The following GMDS variants were observed in gnomAD, a reference collection of about 807,000 sequenced individuals.
The protein encoded by GMDS is GDP-mannose 4,6 dehydratase.
A neutral mutation model predicts 49.9 loss-of-function variants in GMDS; 20 were observed. The observed-to-expected ratio is 0.40, with a 90% confidence interval of 0.28 to 0.58. The LOEUF (loss-of-function observed/expected upper bound fraction) is 0.58. GMDS is among the 20% of genes least tolerant of loss of function. The pLI is 0.42. For missense variants in GMDS, 362 were observed against 481.4 expected, an observed-to-expected ratio of 0.75 and a Z score of 2.32; for synonymous variants, 177 against 178.6, an observed-to-expected ratio of 0.99 and a Z score of 0.07.
At chr6:2,043,719 TG>T (rs1474021295) in intron 4 of GMDS, among the ~76,000 whole-genome samples, 5 of 152,208 alleles carry the variant, frequency 3.3e-5, no homozygotes, top group Non-Finnish European at 5.9e-5. Context: ...AAAATAAACT[TG>T]TTTTTGAGCT....
intron 4 of GMDS, among the ~76,000 whole-genome samples, chr6:2,073,347 T>C (rs1325708584): frequency 6.6e-6 from 1 of 152,238 alleles, no homozygotes; most frequent in East Asian, 1.9e-4. Context: ...GTTTATAGGC[T>C]GCTTTAAAAA....
At chr6:1,804,672 C>A (rs768836643) in intron 7 of GMDS, among the ~76,000 whole-genome samples, 4 of 152,060 alleles carry the variant, frequency 2.6e-5, no homozygotes, top group Non-Finnish European at 5.9e-5. Context: ...AGCCAGCAAA[C>A]AGAAAATTCT....
chr6:2,104,499 C>T (rs1232240047), intron 4 of GMDS, among the ~76,000 whole-genome samples: 7 of 152,166 alleles, frequency 4.6e-5, no homozygotes, highest in Admixed American at 3.9e-4. Context: ...TAAAAGAGCA[C>T]AACATTCTTA....
At position 1,825,001 on chromosome 6, in the gene GMDS, G is replaced by A. The variant is rs1035680094; in HGVS notation, c.772-82415C>T. ...CACATAGTAGGTGCTTACTAAATAT[G>A]TGGTTATTTTTCTGAAGTCACTCTC... On this transcript the variant is annotated intron_variant, in intron 7 of 10. Coordinates refer to ENST00000380815, the MANE Select transcript of GMDS (RefSeq NM_001500.4). Among the ~76,000 whole-genome samples the A allele has an allele frequency of 2.4e-4, 36 of 152,166 alleles. 1 individual carries two copies. The highest frequency in any genetic ancestry group is 7.2e-4 in the Admixed American group (11 of 15,274).
chr6:2,007,415 C>T (rs1164737292), intron 4 of GMDS, among the ~76,000 whole-genome samples: 1 of 152,136 alleles, frequency 6.6e-6, no homozygotes. Context: ...AGCATGTACA[C>T]TTCTGGTAAA....
chr6:1,934,617 C>T (rs1034370114), intron 6 of GMDS, among the ~76,000 whole-genome samples: 1 of 152,090 alleles, frequency 6.6e-6, no homozygotes, highest in African/African-American at 2.4e-5. Flanking sequence ...TTCCTAAACA[C>T]TTTATTCTTT....
At chr6:1,800,070 G>A (rs570690106) in intron 7 of GMDS, among the ~76,000 whole-genome samples, 44 of 152,302 alleles carry the variant, frequency 2.9e-4, no homozygotes, top group African/African-American at 1.1e-3. Context: ...GAGGAGGCCA[G>A]CCTTCCCTTC....
chr6:1,980,125 G>A (rs1184437067), intron 4 of GMDS, among the ~76,000 whole-genome samples: 1 of 152,164 alleles, frequency 6.6e-6, no homozygotes, highest in Non-Finnish European at 1.5e-5. Context: ...ACACTATGAA[G>A]TAACCACATA....
intron 9 of GMDS, among the ~76,000 whole-genome samples, chr6:1,648,491 C>A (rs1468462305): frequency 6.6e-6 from 1 of 152,214 alleles, no homozygotes; most frequent in Non-Finnish European, 1.5e-5. Context: ...GGCTTAATTT[C>A]ACAACTAGCC....
In GMDS at chr6:2,082,125, T is replaced by A. The variant is rs9969049; in HGVS notation, c.345+33646A>T. ...GTAATAACATTCAAGATGAAGAAAGTAATGAGATAAAAGACACATGATACG... is the reference window on the plus strand; with the variant it reads ...GTAATAACATTCAAGATGAAGAAAGAAATGAGATAAAAGACACATGATACG... On this transcript the variant is annotated intron_variant, in intron 4 of 10. Transcript: ENST00000380815. 2.6e-3 allele frequency among the ~76,000 whole-genome samples: 394 copies of A among 152,232 alleles called. 2 individuals carry two copies. The highest frequency in any genetic ancestry group is 9.2e-3 in the African/African-American group (384 of 41,536).
chr6:2,244,316 TTTG>T (rs1025879707), intron 1 of GMDS, among the ~76,000 whole-genome samples: 6 of 151,390 alleles, frequency 4.0e-5, no homozygotes, highest in Non-Finnish European at 7.4e-5. Flanking sequence ...CCTCAAAGAG[TTTG>T]TTATGAGAAC....
At position 1,968,484 on chromosome 6, in the gene GMDS, C is replaced by T. The variant is rs144007375; in HGVS notation, c.346-7518G>A. 2.1e-4 allele frequency among the ~76,000 whole-genome samples: 32 copies of T among 152,282 alleles called. No individual in the cohort carries two copies. The East Asian group carries it at 5.6e-3, about 27-fold the overall frequency. ...TGATCCTGAGACACTGCTGATCAGG[C>T]ACTATTCTGGAACTCTCTGCAAGGC... is the stretch of plus-strand genomic sequence containing the variant. On this transcript the variant is annotated intron_variant, in intron 4 of 10. Coordinates refer to ENST00000380815, the MANE Select transcript of GMDS (RefSeq NM_001500.4).
chr6:1,813,652 T>C (rs1770538916), intron 7 of GMDS, among the ~76,000 whole-genome samples: 1 of 152,214 alleles, frequency 6.6e-6, no homozygotes, highest in Non-Finnish European at 1.5e-5. Flanking sequence ...TTCCAAAGAT[T>C]ACAGCATCCC....
chr6:2,103,016 C>T (rs1774012733), intron 4 of GMDS, among the ~76,000 whole-genome samples: 1 of 152,176 alleles, frequency 6.6e-6, no homozygotes, highest in African/African-American at 2.4e-5. Context: ...AAACTACATA[C>T]ATATCTTCTT....
At chr6:1,666,135 C>T (rs570282961) in intron 9 of GMDS, among the ~76,000 whole-genome samples, 1 of 152,236 alleles carries the variant, frequency 6.6e-6, no homozygotes, top group East Asian at 1.9e-4. Context: ...GGGAAGTGAA[C>T]TGATTAGGCA....
intron 4 of GMDS, among the ~76,000 whole-genome samples, chr6:2,038,275 A>G (rs1180241827): frequency 6.6e-6 from 1 of 152,238 alleles, no homozygotes; most frequent in Non-Finnish European, 1.5e-5. Flanking sequence ...GAACTGGGAC[A>G]GCTAGCTAGA....
intron 4 of GMDS, among the ~76,000 whole-genome samples, chr6:2,075,152 T>C (rs1237434432): frequency 6.6e-6 from 1 of 152,182 alleles, no homozygotes; most frequent in Non-Finnish European, 1.5e-5. Flanking sequence ...ATTAGAATTA[T>C]TTTTTCTATT....
intron 4 of GMDS, among the ~76,000 whole-genome samples, chr6:2,065,940 A>G (rs919938945): frequency 2.6e-5 from 4 of 152,178 alleles, no homozygotes; most frequent in Non-Finnish European, 4.4e-5. Flanking sequence ...GATACTGCTC[A>G]AGAAGAGCAA....
At chr6:2,155,091 T>C (rs879775100) in intron 1 of GMDS, among the ~76,000 whole-genome samples, 1 of 152,070 alleles carries the variant, frequency 6.6e-6, no homozygotes, top group African/African-American at 2.4e-5. Context: ...ACATTTCCCA[T>C]ACTGGCACAA....
Sources: gnomAD v4.1 joint callset for allele counts (sites outside exome capture counted in the v4.1 genomes callset) on GRCh38, gnomAD v4.1.1 for gene constraint, MANE v1.5 for transcripts, NCBI Gene and HGNC (gene_info 2026-07-23, HGNC 2026-07-21) for gene names.